The following GABARAP variants were observed in gnomAD, a reference collection of about 807,000 sequenced individuals.
The protein encoded by GABARAP is GABA type A receptor-associated protein, also known as gamma-aminobutyric acid receptor-associated protein.
In GABARAP, 5 loss-of-function variants were observed where a neutral mutation model predicts 16.7. The ratio of observed to expected loss-of-function variants is 0.30; its 90% CI spans 0.16 to 0.63. The LOEUF is 0.63. Among genes scored for constraint, GABARAP ranks in the 20% least tolerant of loss-of-function variants. The pLI, the probability that GABARAP is intolerant of heterozygous loss-of-function variation, is 0.82. For synonymous variants in GABARAP, 45 were observed against 52.7 expected, an observed-to-expected ratio of 0.85 and a Z score of 0.64; for missense variants, 84 against 146.6, an observed-to-expected ratio of 0.57 and a Z score of 2.21.
chr17:7,242,391 G>T lies in GABARAP; in HGVS notation c.-61C>A. 1 of 1,295,610 alleles carries T rather than the reference G, an allele frequency of 7.7e-7. No individual in the cohort carries two copies. Among genetic ancestry groups the T allele is most frequent in the Non-Finnish European group, 1.1e-6 (1 of 900,264 alleles). The allele number at this position is 1,295,610 out of a possible 1,614,324, so 80.3% of individuals were successfully genotyped here. On this transcript the variant is annotated 5_prime_UTR_variant, in exon 1 of 4. Coordinates refer to ENST00000302386, the MANE Select transcript of GABARAP (RefSeq NM_007278.2). ...GGGAACCCAGGGGGGCCGGGACGGG[G>T]GGCGGCGACGACGGCGGCGACGCGC...
chr17:7,241,539 T>C (rs145281278), intron 2 of GABARAP, 62 bp downstream of exon 2: 7 of 1,363,446 alleles, frequency 5.1e-6, no homozygotes. Context: ...TGGAGCCTCC[T>C]CCCGCAGAGA....
chr17:7,241,137 C>G lies in GABARAP; in HGVS notation c.288+205G>C, dbSNP rs546910730. 17 of 680,294 alleles carry G rather than the reference C, an allele frequency of 2.5e-5. No individual in the cohort carries two copies. In the East Asian group the frequency reaches 3.9e-4, roughly 16 times the overall value. 42.1% of individuals were successfully genotyped at this position (680,294 alleles called of 1,614,324 possible). A position where few individuals can be genotyped will look rare whatever the true frequency, so the allele number is the denominator to read the frequency against. On this transcript the variant is annotated intron_variant, in intron 3 of 3. Transcript: ENST00000302386. Reference sequence around the variant, plus strand: ...TGGGGAGGGGGACTGGGAAGAGTCCCGAACAGATAGTTTCTCTAGCTCACT... The same window carrying G: ...TGGGGAGGGGGACTGGGAAGAGTCCGGAACAGATAGTTTCTCTAGCTCACT...
At chr17:7,241,156 G>C in intron 3 of GABARAP, 186 bp downstream of exon 3, 1 of 680,714 alleles carries the variant, frequency 1.5e-6, no homozygotes. Flanking sequence ...AGTTTCTCTA[G>C]CTCACTGTTC....
rs1172592492 is a variant in GABARAP, at chr17:7,242,391, GGGCGGCGACGAC to G, written c.-73_-62del. ...GGGAACCCAGGGGGGCCGGGACGGGGGGCGGCGACGACGGCGGCGACGCGCGGGCGGATTCAG... is the reference window on the plus strand; with the variant it reads ...GGGAACCCAGGGGGGCCGGGACGGGGGGCGGCGACGCGCGGGCGGATTCAG... On this transcript the variant is annotated 5_prime_UTR_variant, in exon 1 of 4. Coordinates refer to ENST00000302386, the MANE Select transcript of GABARAP (RefSeq NM_007278.2). The G allele has an allele frequency of 1.6e-5, 21 of 1,295,482 alleles. No homozygotes were observed. The highest frequency in any genetic ancestry group is 5.5e-5 in the Admixed American group (3 of 54,542). 80.2% of individuals were successfully genotyped at this position (1,295,482 alleles called of 1,614,324 possible).
At chr17:7,241,028 T>C in intron 3 of GABARAP, 109 bp from the exon 4 acceptor site, 1 of 783,376 alleles carries the variant, frequency 1.3e-6, no homozygotes, top group Non-Finnish European at 2.3e-6. Flanking sequence ...ACTCCTTCAC[T>C]GACTCCAAGG....
intron 1 of GABARAP, 118 bp downstream of exon 1, chr17:7,242,123 C>T: frequency 1.4e-6 from 1 of 728,082 alleles, no homozygotes; most frequent in Non-Finnish European, 2.4e-6. Flanking sequence ...GTTTCAGGCT[C>T]GCTGCCAACC....
rs2071761662 is a variant in GABARAP, at chr17:7,240,206, A to G, written c.*648T>C. On this transcript the variant is annotated 3_prime_UTR_variant, in exon 4 of 4. Transcript: ENST00000302386. ...TGCGTGTTATAAAACTAAAGTTTCA[A>G]GAAATAATCCTCAGTATTCCATTCC... 1 of 152,264 alleles carries G rather than the reference A, an allele frequency of 6.6e-6. No homozygotes were observed. The highest frequency in any genetic ancestry group is 1.5e-5 in the Non-Finnish European group (1 of 68,040). The allele number at this position is 152,264 out of a possible 1,614,324, so 9.4% of individuals were successfully genotyped here. A position where few individuals can be genotyped will look rare whatever the true frequency, so the allele number is the denominator to read the frequency against.
Position 7,240,731 on chromosome 17 carries a change from TAAG to T in GABARAP, c.*120_*122del, listed in dbSNP as rs1173162655. ...AGGCTGGAGAGAAAGCCACAAACAT[TAAG>T]AAGTGCCGGTCCTGAATAAGGGAGG... On this transcript the variant is annotated 3_prime_UTR_variant, in exon 4 of 4. Coordinates refer to ENST00000302386, the MANE Select transcript of GABARAP (RefSeq NM_007278.2). The T allele has an allele frequency of 1.7e-5, 12 of 701,182 alleles. No homozygotes were observed. The highest frequency in any genetic ancestry group is 3.1e-5 in the Non-Finnish European group (12 of 388,398). 43.4% of individuals were successfully genotyped at this position (701,182 alleles called of 1,614,324 possible).
At position 7,240,657 on chromosome 17, in the gene GABARAP, A is replaced by T; in HGVS notation, c.*197T>A. On this transcript the variant is annotated 3_prime_UTR_variant, in exon 4 of 4. Transcript: ENST00000302386. ...GCGGGCAGAGAAAGGGGAAGAAAGG[A>T]GAAAGGAGAGTTACAAGATGCCAAC... is the stretch of plus-strand genomic sequence containing the variant. 1.8e-6 allele frequency: 1 copy of T among 562,644 alleles called. No individual in the cohort carries two copies. The highest frequency in any genetic ancestry group is 3.2e-6 in the Non-Finnish European group (1 of 315,344). The allele number at this position is 562,644 out of a possible 1,614,324, so 34.9% of individuals were successfully genotyped here.
intron 1 of GABARAP, chr17:7,241,965 A>T (rs1317844709): frequency 1.7e-6 from 1 of 595,158 alleles, no homozygotes; most frequent in East Asian, 2.8e-5. Context: ...TCGCAACCTT[A>T]GCTAGCTGGG....
At position 7,241,732 on chromosome 17, in the gene GABARAP, A is replaced by G; in HGVS notation, c.91-53T>C. 2.8e-6 allele frequency: 3 copies of G among 1,073,106 alleles called. No homozygotes were observed. In the South Asian group the frequency reaches 3.7e-5, roughly 13 times the overall value. The allele number at this position is 1,073,106 out of a possible 1,614,324, so 66.5% of individuals were successfully genotyped here. ...AGAAGGAATGCAGCCCCGAAGCTGC[A>G]CCTGTCAAGAACTCAAGAAACAATA... On this transcript the variant is annotated intron_variant, in intron 1 of 3. Coordinates refer to ENST00000302386, the MANE Select transcript of GABARAP (RefSeq NM_007278.2).
Position 7,240,618 on chromosome 17 carries a change from G to C in GABARAP, c.*236C>G. On this transcript the variant is annotated 3_prime_UTR_variant, in exon 4 of 4. Transcript: ENST00000302386. Reference sequence around the variant, plus strand: ...CAGACTGACAATCAAGAAGTCTACAGCAGGATGGGAAAGGCGGGCAGAGAA... The same window carrying C: ...CAGACTGACAATCAAGAAGTCTACACCAGGATGGGAAAGGCGGGCAGAGAA... The C allele has an allele frequency of 2.0e-6, 1 of 508,272 alleles. No individual in the cohort carries two copies. The highest frequency in any genetic ancestry group is 3.5e-6 in the Non-Finnish European group (1 of 283,564). 31.5% of individuals were successfully genotyped at this position (508,272 alleles called of 1,614,324 possible).
intron 1 of GABARAP, 93 bp from the exon 2 acceptor site, chr17:7,241,772 A>G (rs976105027): frequency 1.2e-6 from 1 of 821,802 alleles, no homozygotes; most frequent in Non-Finnish European, 2.2e-6. Context: ...TAGCACCTAA[A>G]TCTACCCCAG....
At chr17:7,241,007 A>T in intron 3 of GABARAP, 88 bp from the exon 4 acceptor site, 1 of 864,798 alleles carries the variant, frequency 1.2e-6, no homozygotes, top group South Asian at 1.4e-5. Context: ...AGAACCACAA[A>T]CCATTGCCTG....
intron 1 of GABARAP, chr17:7,241,978 G>T: frequency 1.7e-6 from 1 of 595,594 alleles, no homozygotes; most frequent in South Asian, 2.0e-5. Context: ...TAGCTGGGGG[G>T]ATGACCATTT....
chr17:7,242,024 TGC>T (rs2071783663), intron 1 of GABARAP: 2 of 599,928 alleles, frequency 3.3e-6, no homozygotes, highest in Non-Finnish European at 5.9e-6. Context: ...AGGCCTCAAA[TGC>T]TAAGGTTTCT....
Position 7,241,336 on chromosome 17 carries a change from CCATACCTGGTACAGCTGACCCATTGTGG to C in GABARAP, c.266_288+5del. 7.7e-7 allele frequency: 1 copy of C among 1,295,034 alleles called. No individual in the cohort carries two copies. The highest frequency in any genetic ancestry group is 1.1e-6 in the Non-Finnish European group (1 of 889,286). The allele number at this position is 1,295,034 out of a possible 1,614,324, so 80.2% of individuals were successfully genotyped here. ...CAAAGCCTCCACCACTTCCCAGTCA[CCATACCTGGTACAGCTGACCCATTGTGG>C]CACTGGTGGGTGGAATGACATTGTT... On this transcript the variant is annotated splice_donor_variant and splice_donor_5th_base_variant and coding_sequence_variant and intron_variant, in exon 3 of 4. Transcript: ENST00000302386. LOFTEE classifies it high-confidence loss of function.
At position 7,240,522 on chromosome 17, in the gene GABARAP, A is replaced by C; in HGVS notation, c.*332T>G. The C allele has an allele frequency of 4.6e-6, 1 of 217,998 alleles. No individual in the cohort carries two copies. The highest frequency in any genetic ancestry group is 9.2e-6 in the Non-Finnish European group (1 of 108,246). The allele number at this position is 217,998 out of a possible 1,614,324, so 13.5% of individuals were successfully genotyped here. On this transcript the variant is annotated 3_prime_UTR_variant, in exon 4 of 4. Transcript: ENST00000302386. The stretch of plus-strand genomic sequence containing the variant: ...AAAAAGAAGGTAGTGAAAGGAAGGG[A>C]TTGCTGGGGTTCTGAGCCCCTTGGG...
In GABARAP at chr17:7,242,427, A is replaced by G; in HGVS notation, c.-97T>C. 1.1e-6 allele frequency: 1 copy of G among 898,360 alleles called. No individual in the cohort carries two copies. The highest frequency in any genetic ancestry group is 2.0e-5 in the Admixed American group (1 of 49,346). 55.6% of individuals were successfully genotyped at this position (898,360 alleles called of 1,614,324 possible). ...ACGGCGGCGACGCGCGGGCGGATTC[A>G]GCGGAGCGATCCACGAATTTGCGCC... On this transcript the variant is annotated 5_prime_UTR_variant, in exon 1 of 4. Coordinates refer to ENST00000302386, the MANE Select transcript of GABARAP (RefSeq NM_007278.2).
Sources: gnomAD v4.1 joint callset for allele counts on GRCh38, gnomAD v4.1.1 for gene constraint, MANE v1.5 for transcripts, NCBI Gene and HGNC (gene_info 2026-07-23, HGNC 2026-07-21) for gene names.